The following CDK5RAP2 variants were observed in gnomAD, a reference collection of about 807,000 sequenced individuals.
CDK5RAP2 encodes CDK5 regulatory subunit-associated protein 2.
A neutral mutation model predicts 232.9 loss-of-function variants in CDK5RAP2; 147 were observed. The observed-to-expected ratio is 0.63, with a 90% confidence interval of 0.55 to 0.72. The LOEUF (loss-of-function observed/expected upper bound fraction) is 0.72, where lower values mean the gene tolerates loss of function less well. CDK5RAP2 is among the 30% of genes least tolerant of loss of function. The pLI, the probability that CDK5RAP2 is intolerant of heterozygous loss-of-function variation, is 0.00. For synonymous variants in CDK5RAP2, 833 were observed against 833.7 expected (o/e 1.00, Z 0.01); for missense variants, 2,195 against 2,231.5 (o/e 0.98, Z 0.33).
chr9:120,423,316 T>C (rs992070527), intron 25 of CDK5RAP2, among the ~76,000 whole-genome samples: 3 of 152,212 alleles, frequency 2.0e-5, no homozygotes, highest in African/African-American at 7.2e-5. Context: ...ACTTAGGTCA[T>C]TTGCAAATTT....
chr9:120,533,859 C>T (rs1295062824), intron 7 of CDK5RAP2, among the ~76,000 whole-genome samples: 1 of 151,426 alleles, frequency 6.6e-6, no homozygotes, highest in Non-Finnish European at 1.5e-5. Context: ...AGCTTTTCCC[C>T]TTATCCCCCA....
chr9:120,479,883 T>C (rs1013481800), intron 14 of CDK5RAP2, among the ~76,000 whole-genome samples: 2 of 152,188 alleles, frequency 1.3e-5, no homozygotes, highest in African/African-American at 4.8e-5. Context: ...TCCAGGCTAA[T>C]TTCCTGGTTG....
intron 3 of CDK5RAP2, among the ~76,000 whole-genome samples, chr9:120,553,788 G>A (rs1315855632): frequency 3.3e-5 from 5 of 152,182 alleles, no homozygotes; most frequent in African/African-American, 9.6e-5. Flanking sequence ...TAAAGATGAT[G>A]TCTTGCTCTA....
intron 14 of CDK5RAP2, among the ~76,000 whole-genome samples, chr9:120,478,490 G>A (rs974499853): frequency 1.3e-5 from 2 of 152,178 alleles, no homozygotes; most frequent in Non-Finnish European, 1.5e-5. Flanking sequence ...ACAATACCCT[G>A]GCCAGGCACA....
At chr9:120,473,271 C>T (rs140824302) in intron 15 of CDK5RAP2, among the ~76,000 whole-genome samples, 35 of 152,322 alleles carry the variant, frequency 2.3e-4, no homozygotes, top group African/African-American at 4.3e-4. Flanking sequence ...ACCAAGAGAT[C>T]TATCATTCTC....
At chr9:120,394,315 G>A (rs1328644088) in intron 36 of CDK5RAP2, among the ~76,000 whole-genome samples, 197 bp downstream of exon 36, 1 of 152,150 alleles carries the variant, frequency 6.6e-6, no homozygotes, top group East Asian at 1.9e-4. Context: ...GACACCAAAA[G>A]GCCGCTCTAC....
At position 120,407,101 on chromosome 9, in the gene CDK5RAP2, C is replaced by G; in HGVS notation, c.4874G>C (p.Arg1625Thr). ...LQSRLKEQLA[R>T]GAEKAQEGAL... Reference sequence around the variant, plus strand: ...TCCTTCCTGTGCCTTCTCTGCCCCCCTTGCCAGCTGTTCCTTGAGCCTGCT... The same window carrying G: ...TCCTTCCTGTGCCTTCTCTGCCCCCGTTGCCAGCTGTTCCTTGAGCCTGCT... Residue 1625 changes from arginine (R) to threonine (T), a missense_variant, in exon 32 of 38, where the codon AGG (arginine) becomes ACG (threonine). Transcript: ENST00000349780. 1 of 1,614,140 alleles carries G rather than the reference C, an allele frequency of 6.2e-7. No homozygotes were observed. The highest frequency in any genetic ancestry group is 8.5e-7 in the Non-Finnish European group (1 of 1,180,044).
At chr9:120,443,533 G>T in intron 23 of CDK5RAP2, 87 bp downstream of exon 23, 1 of 1,426,252 alleles carries the variant, frequency 7.0e-7, no homozygotes. Context: ...GGGCTGCTAT[G>T]GGCTTAGTAA....
chr9:120,425,787 T>C (rs1376183984), intron 25 of CDK5RAP2, among the ~76,000 whole-genome samples: 1 of 152,232 alleles, frequency 6.6e-6, no homozygotes, highest in East Asian at 1.9e-4. Context: ...AATTCTATTT[T>C]AATATTTACA....
intron 20 of CDK5RAP2, among the ~76,000 whole-genome samples, chr9:120,455,341 G>A (rs1455036614): frequency 7.0e-6 from 1 of 143,698 alleles, no homozygotes; most frequent in Non-Finnish European, 1.5e-5. Flanking sequence ...GATGAGCAGG[G>A]AAGAAACGAA....
At chr9:120,501,624 C>T (rs1285102553) in intron 12 of CDK5RAP2, among the ~76,000 whole-genome samples, 1 of 152,136 alleles carries the variant, frequency 6.6e-6, no homozygotes, top group African/African-American at 2.4e-5. Flanking sequence ...AGCATAGCAC[C>T]TGCTGTGACC....
rs765012481 is a variant in CDK5RAP2, at chr9:120,518,511, A to G, written c.1227T>C (p.Ser409=). The G allele has an allele frequency of 1.2e-6, 2 of 1,612,558 alleles. No homozygotes were observed. The highest frequency in any genetic ancestry group is 1.7e-6 in the Non-Finnish European group (2 of 1,179,682). The stretch of plus-strand genomic sequence containing the variant: ...GTCTCTCCCTCTCCTGCTGCAAGTC[A>G]CTCAGCTCCTGGGTGATCTTCTTAA... The part of the protein sequence containing the change: ...RSIKKITQEL[S]DLQQERERLE... Residue 409 remains serine (S), a synonymous_variant, in exon 12 of 38, where the codon AGT becomes AGC. Transcript: ENST00000349780.
intron 13 of CDK5RAP2, among the ~76,000 whole-genome samples, chr9:120,489,331 C>G (rs1201954117): frequency 6.6e-6 from 1 of 152,186 alleles, no homozygotes; most frequent in Non-Finnish European, 1.5e-5. Context: ...GGGTATGGGT[C>G]TTTTCTCATT....
intron 12 of CDK5RAP2, among the ~76,000 whole-genome samples, chr9:120,505,495 G>A (rs890578410): frequency 6.6e-6 from 1 of 152,180 alleles, no homozygotes; most frequent in African/African-American, 2.4e-5. Flanking sequence ...GTGAAAGGAA[G>A]AGTCACATGT....
intron 13 of CDK5RAP2, among the ~76,000 whole-genome samples, 160 bp downstream of exon 13, chr9:120,491,147 C>G (rs1434310901): frequency 6.6e-6 from 1 of 152,166 alleles, no homozygotes; most frequent in Non-Finnish European, 1.5e-5. Context: ...CCACACTTAC[C>G]TCCCTGGTGG....
chr9:120,453,042 C>G (rs1376187745), intron 21 of CDK5RAP2, among the ~76,000 whole-genome samples: 1 of 152,134 alleles, frequency 6.6e-6, no homozygotes, highest in Non-Finnish European at 1.5e-5. Context: ...TTCATCAATA[C>G]AATGAAAACT....
At chr9:120,443,585 A>C in intron 23 of CDK5RAP2, 35 bp downstream of exon 23, 1 of 1,612,532 alleles carries the variant, frequency 6.2e-7, no homozygotes. Flanking sequence ...TGGCACATGG[A>C]AGCTGTTCAA....
chr9:120,526,503 T>G (rs2040906212), intron 10 of CDK5RAP2, among the ~76,000 whole-genome samples: 1 of 152,130 alleles, frequency 6.6e-6, no homozygotes, highest in Non-Finnish European at 1.5e-5. Flanking sequence ...CCTTATTTCT[T>G]AAATAAGCCC....
At chr9:120,474,117 GAAT>G (rs1019601945) in intron 15 of CDK5RAP2, among the ~76,000 whole-genome samples, 105 of 152,260 alleles carry the variant, frequency 6.9e-4, no homozygotes, top group African/African-American at 1.9e-3. Context: ...CGCAAAATGG[GAAT>G]AATAATACCT....
Sources: allele counts gnomAD v4.1 joint callset (sites outside exome capture counted in the v4.1 genomes callset), GRCh38; gene constraint gnomAD v4.1.1; transcripts MANE v1.5; gene names NCBI Gene and HGNC (gene_info 2026-07-23, HGNC 2026-07-21).